The following MUC7 variants were observed in gnomAD, a reference collection of about 807,000 sequenced individuals.
MUC7 encodes the protein mucin 7, secreted.
In MUC7, 2 loss-of-function variants were observed where a neutral mutation model predicts 2.5. That is an observed-to-expected ratio of 0.81 (90% CI 0.33 to 2.55). The LOEUF (loss-of-function observed/expected upper bound fraction) is 2.55, where lower values mean the gene tolerates loss of function less well. Ranked by LOEUF, MUC7 falls within the 30% of genes most tolerant of loss-of-function variation. The pLI is 0.11. For synonymous variants in MUC7, 133 were observed against 173.4 expected (o/e 0.77, Z 1.83); for missense variants, 408 against 455.6 (o/e 0.90, Z 0.95).
intron 1 of MUC7, among the ~76,000 whole-genome samples, chr4:70,453,557 A>G (rs35725685): frequency 0.098 from 14,913 of 151,976 alleles, 980 homozygotes; most frequent in East Asian, 0.18. Flanking sequence ...ATCTAGAAAT[A>G]CTGTCCAAAA....
At chr4:70,469,007 T>C (rs1577911968), upstream of MUC7, among the ~76,000 whole-genome samples, 1 of 151,856 alleles carries the variant, frequency 6.6e-6, no homozygotes, top group African/African-American at 2.4e-5. Flanking sequence ...CTTTAAACTA[T>C]ACTACAAGGC....
chr4:70,460,174 C>T (rs4337792), intron 1 of MUC7, among the ~76,000 whole-genome samples: 20,848 of 150,944 alleles, frequency 0.14, 1,705 homozygotes, highest in Middle Eastern at 0.24. Flanking sequence ...ACACTATAGA[C>T]GGCTAGATGT....
At chr4:70,458,974 C>T (rs926964186) in intron 1 of MUC7, among the ~76,000 whole-genome samples, 2 of 151,982 alleles carry the variant, frequency 1.3e-5, no homozygotes, top group African/African-American at 4.8e-5. Context: ...TATAGTCTAT[C>T]TAGACAATAT....
chr4:70,470,934 T>C (rs1734819001), upstream of MUC7, among the ~76,000 whole-genome samples: 1 of 152,204 alleles, frequency 6.6e-6, no homozygotes, highest in Non-Finnish European at 1.5e-5. Context: ...GTCTGACAAC[T>C]TTGTAAAGTA....
intron 1 of MUC7, among the ~76,000 whole-genome samples, chr4:70,453,127 C>T (rs192668036): frequency 6.6e-6 from 1 of 152,346 alleles, no homozygotes; most frequent in Non-Finnish European, 1.5e-5. Flanking sequence ...CTCTCCCTTG[C>T]TACCACCTAT....
At chr4:70,468,009 T>G (rs1164923669), upstream of MUC7, among the ~76,000 whole-genome samples, 1 of 152,046 alleles carries the variant, frequency 6.6e-6, no homozygotes, top group Non-Finnish European at 1.5e-5. Context: ...AAATCCTCAA[T>G]AAAATACTGG....
At chr4:70,463,136 C>T (rs1207887263) in intron 1 of MUC7, among the ~76,000 whole-genome samples, 3 of 152,010 alleles carry the variant, frequency 2.0e-5, no homozygotes, top group Non-Finnish European at 4.4e-5. Flanking sequence ...CAAAGATCTT[C>T]TCAAAACTCT....
chr4:70,451,098 G>A (rs924587387), intron 1 of MUC7, among the ~76,000 whole-genome samples: 1 of 152,154 alleles, frequency 6.6e-6, no homozygotes, highest in Non-Finnish European at 1.5e-5. Context: ...CCTCAGTGGT[G>A]AGGTCTGTAG....
At chr4:70,479,377 A>G (rs41320048) in intron 2 of MUC7, among the ~76,000 whole-genome samples, 2,388 of 152,258 alleles carry the variant, frequency 0.016, 54 homozygotes, top group African/African-American at 0.053. Context: ...TGAGGAAGTT[A>G]TCTTAGTTAA....
At chr4:70,440,065 G>A (rs767104495) in intron 1 of MUC7, among the ~76,000 whole-genome samples, 12 of 151,876 alleles carry the variant, frequency 7.9e-5, no homozygotes, top group Admixed American at 2.6e-4. Flanking sequence ...ATGTCATCTC[G>A]AATGTGAAAT....
At chr4:70,467,558 T>TA (rs1323822298), upstream of MUC7, among the ~76,000 whole-genome samples, 4 of 151,848 alleles carry the variant, frequency 2.6e-5, no homozygotes, top group African/African-American at 7.3e-5. Context: ...ATAGATGCAA[T>TA]AAAAAATGAT....
In MUC7 at chr4:70,481,664, C is replaced by T. The variant is rs1472538687; in HGVS notation, c.920C>T (p.Pro307Leu). The change falls in exon 3 of 3, where the codon CCA becomes CTA. Residue 307 changes from proline (P) to leucine (L), a missense_variant. Around this residue, in one of 3 missense-constraint regions of MUC7, gnomAD observed 175 missense variants for 187.1 expected, o/e 0.94. Transcript: ENST00000304887. ...GCTCCACAAGAGACCACAGCTGCCC[C>T]AATTACCACACCTAATTCTTCCCCA... Reference protein sequence around the residue: ...SPAPQETTAAPITTPNSSPTT... With the variant: ...SPAPQETTAALITTPNSSPTT... The T allele has an allele frequency of 6.2e-7, 1 of 1,614,164 alleles. No homozygotes were observed.
At chr4:70,464,712 G>A (rs1157426946) in intron 1 of MUC7, among the ~76,000 whole-genome samples, 1 of 152,090 alleles carries the variant, frequency 6.6e-6, no homozygotes, top group Non-Finnish European at 1.5e-5. Context: ...TCCTCTCTAG[G>A]CACGGCATCT....
intron 1 of MUC7, among the ~76,000 whole-genome samples, chr4:70,463,486 T>C (rs1734607682): frequency 6.6e-6 from 1 of 152,196 alleles, no homozygotes; most frequent in African/African-American, 2.4e-5. Flanking sequence ...CTATAATGCA[T>C]TTTGGTGTAG....
At chr4:70,473,913 C>T (rs917856198) in intron 1 of MUC7, 94 bp from the exon 2 acceptor site, 8 of 905,896 alleles carry the variant, frequency 8.8e-6, no homozygotes, top group Middle Eastern at 2.2e-4. Flanking sequence ...CTCTTTTTGC[C>T]TGTACTTTCT....
At chr4:70,463,326 C>A (rs1734603278) in intron 1 of MUC7, among the ~76,000 whole-genome samples, 1 of 152,144 alleles carries the variant, frequency 6.6e-6, no homozygotes, top group Non-Finnish European at 1.5e-5. Flanking sequence ...TCTGGAAAAT[C>A]CATTGGGGCT....
rs543320126 is a variant in MUC7, at chr4:70,463,200, A to G, written c.-92-9015A>G. 7.8e-4 allele frequency among the ~76,000 whole-genome samples: 51 copies of G among 65,358 alleles called. No homozygotes were observed. The South Asian group carries it at 0.019, about 24-fold the overall frequency. The allele number at this position is 65,358 out of a possible 152,430, so 42.9% of individuals were successfully genotyped here. On this transcript the variant is annotated intron_variant, in intron 1 of 3. Transcript: ENST00000413702. ...TACCAGAAGATACACTTCAAACCAC[A>G]AAAAAAAATCCTAAAATAATATTGA... is the stretch of plus-strand genomic sequence containing the variant.
At chr4:70,455,298 G>A (rs1397021854) in intron 1 of MUC7, among the ~76,000 whole-genome samples, 1 of 152,026 alleles carries the variant, frequency 6.6e-6, no homozygotes, top group Non-Finnish European at 1.5e-5. Context: ...TTCTTAAAAA[G>A]CTTCATTAGG....
chr4:70,468,895 A>C (rs1013552019), upstream of MUC7, among the ~76,000 whole-genome samples: 1 of 152,206 alleles, frequency 6.6e-6, no homozygotes, highest in Non-Finnish European at 1.5e-5. Flanking sequence ...TCACAGAATT[A>C]GAAAAAAACC....
Sources: allele counts gnomAD v4.1 joint callset (sites outside exome capture counted in the v4.1 genomes callset), GRCh38; gene constraint gnomAD v4.1.1; regional missense constraint gnomAD v4.1.1; transcripts MANE v1.5; gene names NCBI Gene and HGNC (gene_info 2026-07-23, HGNC 2026-07-21).